Variants in CHN1 observed in about 807,000 individuals in gnomAD.
CHN1 encodes the protein N-chimaerin.
In CHN1, 37 loss-of-function variants were observed where a neutral mutation model predicts 59.5. The ratio of observed to expected loss-of-function variants is 0.62; its 90% confidence interval spans 0.48 to 0.82. CHN1 has a LOEUF of 0.82. Ranked by LOEUF, CHN1 falls within the 40% of genes least tolerant of loss-of-function variation. The pLI, the probability that CHN1 is intolerant of heterozygous loss-of-function variation, is 0.00. For synonymous variants in CHN1, 206 were observed against 200.4 expected (o/e 1.03, Z -0.24); for missense variants, 469 against 571.0 (o/e 0.82, Z 1.82).
intron 1 of CHN1, among the ~76,000 whole-genome samples, chr2:174,962,874 C>A (rs1690461652): frequency 6.6e-6 from 1 of 152,154 alleles, no homozygotes; most frequent in Admixed American, 6.5e-5. Context: ...CGTGCCACTG[C>A]ACTCCAGCCT....
chr2:174,806,281 C>CGA (rs888912778), intron 11 of CHN1, among the ~76,000 whole-genome samples: 9 of 152,116 alleles, frequency 5.9e-5, no homozygotes, highest in Non-Finnish European at 1.2e-4. Context: ...TTGCAGTCAC[C>CGA]CCCTTCCAGC....
chr2:174,815,087 A>G (rs376052882), intron 8 of CHN1, among the ~76,000 whole-genome samples: 30 of 151,996 alleles, frequency 2.0e-4, no homozygotes, highest in African/African-American at 2.9e-4. Flanking sequence ...TTTAAAATCT[A>G]TTTTCTAAGC....
Position 175,005,254 on chromosome 2 carries a change from G to A in CHN1, c.-342C>T, listed in dbSNP as rs981047888. 3.4e-6 allele frequency: 4 copies of A among 1,177,050 alleles called. No homozygotes were observed. Among genetic ancestry groups the A allele is most frequent in the Non-Finnish European group, 4.2e-6 (4 of 949,756 alleles). 72.9% of individuals were successfully genotyped at this position (1,177,050 alleles called of 1,614,324 possible). On this transcript the variant is annotated 5_prime_UTR_variant, in exon 1 of 13. Transcript: ENST00000409900. ...CGGCGCAGTGGCTGGCGGAGAGGCG[G>A]CGCCGCACTGGCGGCGGCGGCGGCG...
intron 6 of CHN1, among the ~76,000 whole-genome samples, chr2:174,869,322 G>A (rs976235740): frequency 3.3e-5 from 5 of 152,086 alleles, no homozygotes; most frequent in East Asian, 1.9e-4. Flanking sequence ...ACCTGAGAAA[G>A]TTTACATTCC....
chr2:174,957,019 T>C (rs1314835913), intron 1 of CHN1, among the ~76,000 whole-genome samples: 1 of 152,190 alleles, frequency 6.6e-6, no homozygotes, highest in Non-Finnish European at 1.5e-5. Flanking sequence ...GTTATATGTG[T>C]ATCTCTTTAA....
intron 3 of CHN1, among the ~76,000 whole-genome samples, chr2:174,938,431 T>C (rs1689562836): frequency 6.6e-6 from 1 of 152,194 alleles, no homozygotes; most frequent in Non-Finnish European, 1.5e-5. Context: ...TAGTGGCTTA[T>C]AAATACTTCC....
chr2:174,827,651 G>T (rs1685735310), intron 7 of CHN1, among the ~76,000 whole-genome samples: 1 of 152,204 alleles, frequency 6.6e-6, no homozygotes, highest in Non-Finnish European at 1.5e-5. Flanking sequence ...GACAGACTAG[G>T]TAGGGTGGTG....
intron 7 of CHN1, chr2:174,837,118 T>A (rs543031267): frequency 1.3e-5 from 2 of 152,286 alleles, no homozygotes; most frequent in African/African-American, 2.4e-5. Flanking sequence ...AACTGTTCCA[T>A]CAAATAGTAA....
At chr2:174,933,613 A>G (rs1689415918) in intron 3 of CHN1, among the ~76,000 whole-genome samples, 1 of 152,184 alleles carries the variant, frequency 6.6e-6, no homozygotes, top group South Asian at 2.1e-4. Context: ...ACTTTGAAAT[A>G]TTTTCTACAA....
At chr2:174,868,714 A>G (rs1274860771) in intron 6 of CHN1, among the ~76,000 whole-genome samples, 2 of 152,174 alleles carry the variant, frequency 1.3e-5, no homozygotes, top group African/African-American at 2.4e-5. Flanking sequence ...GCTACACAAG[A>G]GAATGTCATT....
intron 6 of CHN1, among the ~76,000 whole-genome samples, chr2:174,856,566 T>C (rs1686906294): frequency 6.6e-6 from 1 of 152,112 alleles, no homozygotes; most frequent in South Asian, 2.1e-4. Context: ...AATAGAAATA[T>C]GAGAAATTCT....
At chr2:174,934,046 C>T (rs568572207) in intron 3 of CHN1, among the ~76,000 whole-genome samples, 3 of 152,062 alleles carry the variant, frequency 2.0e-5, no homozygotes, top group Admixed American at 6.5e-5. Context: ...GGACCAGTTT[C>T]GTGGGAGACA....
chr2:174,951,383 T>G (rs1487291224), intron 2 of CHN1, among the ~76,000 whole-genome samples: 2 of 152,170 alleles, frequency 1.3e-5, no homozygotes, highest in African/African-American at 4.8e-5. Context: ...CCTACAATCA[T>G]CAGATTTATA....
At chr2:174,807,168 G>A (rs762560706) in intron 11 of CHN1, among the ~76,000 whole-genome samples, 22 of 152,210 alleles carry the variant, frequency 1.4e-4, no homozygotes, top group Non-Finnish European at 3.2e-4. Context: ...TAAGGTGGGT[G>A]TGGGGAAGGA....
intron 3 of CHN1, among the ~76,000 whole-genome samples, chr2:174,939,111 T>C (rs1689585404): frequency 6.6e-6 from 1 of 152,152 alleles, no homozygotes; most frequent in Non-Finnish European, 1.5e-5. Context: ...GTCTAGTTCC[T>C]CAGGGGATGG....
In CHN1 at chr2:174,877,834, G is replaced by A. The variant is rs191692341; in HGVS notation, c.549+6C>T. ...AAAGATAAAGTGTGGTTTCATAGTA[G>A]CTTACCCTTTTCTCTGACACCCCAT... On this transcript the variant is annotated splice_donor_region_variant and intron_variant, in intron 6 of 12. Transcript: ENST00000409900. 2.9e-5 allele frequency: 46 copies of A among 1,609,930 alleles called. No individual in the cohort carries two copies. In the East Asian group the frequency reaches 1.0e-3, roughly 35 times the overall value.
intron 1 of CHN1, among the ~76,000 whole-genome samples, chr2:174,998,537 A>C (rs1393878909): frequency 1.3e-5 from 2 of 152,086 alleles, no homozygotes; most frequent in Admixed American, 1.3e-4. Flanking sequence ...AAAGGAATCG[A>C]AAGGTCAGAG....
intron 2 of CHN1, among the ~76,000 whole-genome samples, chr2:174,946,476 T>G (rs2105406254): frequency 6.6e-6 from 1 of 152,254 alleles, no homozygotes; most frequent in South Asian, 2.1e-4. Context: ...ATGTATTCCT[T>G]TACCTTTTTC....
intron 4 of CHN1, among the ~76,000 whole-genome samples, chr2:174,915,654 G>A (rs938780916): frequency 1.3e-5 from 2 of 152,080 alleles, no homozygotes; most frequent in African/African-American, 4.8e-5. Context: ...GCCCAATAAT[G>A]TGCATAATCT....
Sources: gnomAD v4.1 joint callset for allele counts (sites outside exome capture counted in the v4.1 genomes callset) on GRCh38, gnomAD v4.1.1 for gene constraint, MANE v1.5 for transcripts, NCBI Gene and HGNC (gene_info 2026-07-23, HGNC 2026-07-21) for gene names.